Variants in TARBP2 observed in about 807,000 individuals in gnomAD.
TARBP2 encodes the protein RISC-loading complex subunit TARBP2.
TARBP2 carries 23 observed loss-of-function variants against 40.4 expected under a neutral mutation model. The observed-to-expected ratio is 0.57, with a 90% CI of 0.41 to 0.81. The LOEUF is 0.81. Ranked by LOEUF, TARBP2 falls within the 30% of genes least tolerant of loss-of-function variation. TARBP2 has a pLI of 0.00. For synonymous variants in TARBP2, 183 were observed against 190.5 expected (o/e 0.96, Z 0.32); for missense variants, 358 against 473.7 (o/e 0.76, Z 2.27).
In TARBP2 at chr12:53,505,349, G is replaced by C. The variant is rs1224146167; in HGVS notation, c.741+87G>C. 15 of 1,503,728 alleles carry C rather than the reference G, an allele frequency of 1.0e-5. No homozygotes were observed. The highest frequency in any genetic ancestry group is 6.7e-5 in the Admixed American group (3 of 44,724). 93.1% of individuals were successfully genotyped at this position (1,503,728 alleles called of 1,614,324 possible). ...GGACTTGGGTCTGTGACTCAGCAGT[G>C]AGCCTCTCTGGGCCCTAGGTCTGCT... On this transcript the variant is annotated intron_variant, in intron 7 of 8. Transcript: ENST00000266987. This position sits in a 1 kb window ranked among gnomAD's most constrained non-coding sequence, Gnocchi z 4.5.
chr12:53,501,300 G>A lies in TARBP2; in HGVS notation c.-109G>A. 1 of 1,273,348 alleles carries A rather than the reference G, an allele frequency of 7.9e-7. No homozygotes were observed. Among genetic ancestry groups the A allele is most frequent in the African/African-American group, 1.5e-5 (1 of 67,524 alleles). 78.9% of individuals were successfully genotyped at this position (1,273,348 alleles called of 1,614,324 possible). A position where few individuals can be genotyped will look rare whatever the true frequency, so the allele number is the denominator to read the frequency against. ...CATATCCCAGCGTGCCCCGCGGCGG[G>A]CCCTACCGGCCGCGACTCCGGGCTT... is the stretch of plus-strand genomic sequence containing the variant. On this transcript the variant is annotated 5_prime_UTR_variant, in exon 1 of 9. Transcript: ENST00000266987.
In TARBP2 at chr12:53,501,632, T is replaced by C. The variant is rs948790754; in HGVS notation, c.53+171T>C. 3 of 1,457,014 alleles carry C rather than the reference T, an allele frequency of 2.1e-6. No individual in the cohort carries two copies. The Admixed American group carries it at 8.0e-5, about 39-fold the overall frequency. The allele number at this position is 1,457,014 out of a possible 1,614,324, so 90.3% of individuals were successfully genotyped here. ...GGGCAGTGGCTGCTGCCTCCAGCTCTAAATAGTTTGGGGTTGGCCCGGTTC... is the reference window on the plus strand; with the variant it reads ...GGGCAGTGGCTGCTGCCTCCAGCTCCAAATAGTTTGGGGTTGGCCCGGTTC... On this transcript the variant is annotated intron_variant, in intron 1 of 8. Transcript: ENST00000266987.
At chr12:53,501,077 G>A (rs1943679276), upstream of TARBP2, 2 of 381,748 alleles carry the variant, frequency 5.2e-6, no homozygotes, top group African/African-American at 4.2e-5. Flanking sequence ...CGGACCGGGA[G>A]AGAGGGGGCG....
rs139126157 is a variant in TARBP2 at position 53,504,404 on chromosome 12, C to T, written c.430C>T (p.Pro144Ser). ...VPSVVLTRSPPMELQPPVSPQ... is the reference protein window; with the variant it reads ...VPSVVLTRSPSMELQPPVSPQ... ...CTGTGCCTTTTCCTTCAGGAGCCCC[C>T]CCATGGAACTGCAGCCCCCTGTCTC... Residue 144 changes from proline to serine, a missense_variant, in exon 5 of 9, where the codon CCC becomes TCC. Physicochemically the swap from Pro to Ser is moderately conservative, Grantham distance 74 (BLOSUM62 -1). This residue lies in a region of TARBP2 where 317 missense variants were observed against 422.9 expected (regional missense o/e 0.75). Transcript: ENST00000266987. 5.1e-6 allele frequency: 8 copies of T among 1,565,708 alleles called. No individual in the cohort carries two copies. In the African/African-American group the frequency reaches 8.2e-5, roughly 16 times the overall value.
Position 53,506,345 on chromosome 12 carries a change from C to A in TARBP2, c.*197C>A, listed in dbSNP as rs545668585. The stretch of plus-strand genomic sequence containing the variant: ...CCTCAGCCAGCCCAGGATCCGTCCT[C>A]ATTTTATTGGTGATGATGAATGGGA... On this transcript the variant is annotated 3_prime_UTR_variant, in exon 9 of 9. Coordinates refer to ENST00000266987, the MANE Select transcript of TARBP2 (RefSeq NM_134323.2). 1.4e-5 allele frequency: 9 copies of A among 634,808 alleles called. No homozygotes were observed. In the Admixed American group the frequency reaches 2.7e-4, roughly 19 times the overall value. 39.3% of individuals were successfully genotyped at this position (634,808 alleles called of 1,614,324 possible).
chr12:53,501,968 G>T, intron 1 of TARBP2, 47 bp from the exon 2 acceptor site: 3 of 1,608,150 alleles, frequency 1.9e-6, no homozygotes, highest in Non-Finnish European at 2.5e-6. Flanking sequence ...TGGCTAGGTG[G>T]GTGCAGAGAG....
chr12:53,503,756 G>C lies in TARBP2; in HGVS notation c.370G>C (p.Val124Leu). Reference sequence around the variant, plus strand: ...CTCTTCACTGCCTGAGGACATTCCGGTTTTTACTGCTGCAGCAGCTGCTAC... The same window carrying C: ...CTCTTCACTGCCTGAGGACATTCCGCTTTTTACTGCTGCAGCAGCTGCTAC... ...LDSSLPEDIP[V>L]FTAAAAATPV... is the part of the protein sequence containing the mutation. The change falls in exon 4 of 9, where the codon GTT becomes CTT. Residue 124 changes from valine to leucine, a missense_variant. Physicochemically the swap from Val to Leu is conservative, Grantham distance 32 (BLOSUM62 1). This residue lies in a region of TARBP2 where 317 missense variants were observed against 422.9 expected (regional missense o/e 0.75). Transcript: ENST00000266987. The C allele has an allele frequency of 6.2e-7, 1 of 1,614,226 alleles. No homozygotes were observed. The highest frequency in any genetic ancestry group is 8.5e-7 in the Non-Finnish European group (1 of 1,180,040).
At position 53,504,812 on chromosome 12, in the gene TARBP2, A is replaced by C. The variant is rs1218815083; in HGVS notation, c.610A>C (p.Ile204Leu). The change falls in exon 6 of 9, where the codon ATT (isoleucine) becomes CTT (leucine). Residue 204 changes from isoleucine (I) to leucine (L), a missense_variant. By Grantham distance (5) the Ile-to-Leu change is conservative. Coordinates refer to ENST00000266987, the MANE Select transcript of TARBP2 (RefSeq NM_134323.2). ...CTGTCGAGTGGAGCGTTTCATTGAGATTGGTAACTGGGCAAGAAGGGGTTC... is the reference window on the plus strand; with the variant it reads ...CTGTCGAGTGGAGCGTTTCATTGAGCTTGGTAACTGGGCAAGAAGGGGTTC... ...MTCRVERFIE[I>L]GSGTSKKLAK... The C allele has an allele frequency of 2.5e-6, 4 of 1,613,848 alleles. No individual in the cohort carries two copies. Among genetic ancestry groups the C allele is most frequent in the South Asian group, 1.1e-5 (1 of 91,082 alleles).
chr12:53,504,534 G>C, intron 5 of TARBP2, 65 bp downstream of exon 5: 1 of 1,603,836 alleles, frequency 6.2e-7, no homozygotes, highest in African/African-American at 1.3e-5. Flanking sequence ...ATGAGGGAAG[G>C]CTATGTGTGT....
intron 3 of TARBP2, 69 bp from the exon 4 acceptor site, chr12:53,503,644 G>A (rs554394128): frequency 6.0e-6 from 7 of 1,160,642 alleles, no homozygotes; most frequent in African/African-American, 1.5e-5. Context: ...TCAGGAGGAC[G>A]TGGGTCCCCC....
chr12:53,505,371 T>G lies in TARBP2; in HGVS notation c.741+109T>G. 1 of 1,466,096 alleles carries G rather than the reference T, an allele frequency of 6.8e-7. No homozygotes were observed. The highest frequency in any genetic ancestry group is 2.3e-5 in the East Asian group (1 of 43,082). 90.8% of individuals were successfully genotyped at this position (1,466,096 alleles called of 1,614,324 possible). On this transcript the variant is annotated intron_variant, in intron 7 of 8. Transcript: ENST00000266987. The surrounding 1 kb of genome is among the most constrained non-coding windows in gnomAD (Gnocchi z 4.5). ...AGTGAGCCTCTCTGGGCCCTAGGTC[T>G]GCTTCTGCCACAGTTTTCCTACCAG...
Position 53,506,171 on chromosome 12 carries a change from GTGCACCCTT to G in TARBP2, c.*27_*35del, listed in dbSNP as rs750331078. ...TGAAGCCCCAGCTGGACTCATGGAT[GTGCACCCTT>G]TGCTCCCTGCTCTTTCTGCCTCTGG... On this transcript the variant is annotated 3_prime_UTR_variant, in exon 9 of 9. Transcript: ENST00000266987. The G allele has an allele frequency of 6.2e-7, 1 of 1,610,088 alleles. No homozygotes were observed. Among genetic ancestry groups the G allele is most frequent in the South Asian group, 1.1e-5 (1 of 90,886 alleles).
chr12:53,505,677 G>A lies in TARBP2; in HGVS notation c.770G>A (p.Arg257Gln), dbSNP rs1387986904. The change falls in exon 8 of 9, where the codon CGA becomes CAA. Residue 257 changes from arginine to glutamine, a missense_variant. By Grantham distance (43) the Arg-to-Gln change is conservative (BLOSUM62 1). Transcript: ENST00000266987. This position sits in a 1 kb window ranked among gnomAD's most constrained non-coding sequence, Gnocchi z 4.5. ...GTGGGCTCCCGCCTGGATGGTCTTC[G>A]AAACCGGGGCCCAGGTTGCACCTGG... is the stretch of plus-strand genomic sequence containing the variant. Reference protein sequence around the residue: ...IGVGSRLDGLRNRGPGCTWDS... With the variant: ...IGVGSRLDGLQNRGPGCTWDS... 5.0e-6 allele frequency: 8 copies of A among 1,613,850 alleles called. No individual in the cohort carries two copies. Among genetic ancestry groups the A allele is most frequent in the East Asian group, 2.2e-5 (1 of 44,856 alleles).
intron 2 of TARBP2, 181 bp from the exon 3 acceptor site, chr12:53,502,846 C>T (rs570796979): frequency 4.2e-5 from 23 of 544,390 alleles, no homozygotes; most frequent in Non-Finnish European, 6.7e-5. Flanking sequence ...TGGAAGCTAA[C>T]GGAAAGATAA....
Position 53,504,420 on chromosome 12 carries a change from C to T in TARBP2, c.446C>T (p.Pro149Leu), listed in dbSNP as rs1308904527. 1.9e-6 allele frequency: 3 copies of T among 1,608,450 alleles called. No individual in the cohort carries two copies. Among genetic ancestry groups the T allele is most frequent in the Admixed American group, 3.4e-5 (2 of 59,022 alleles). ...AGGAGCCCCCCCATGGAACTGCAGC[C>T]CCCTGTCTCCCCTCAGCAGTCTGAG... is the stretch of plus-strand genomic sequence containing the variant. ...LTRSPPMELQ[P>L]PVSPQQSECN... Residue 149 changes from proline to leucine, a missense_variant, in exon 5 of 9, where the codon CCC becomes CTC. Coordinates refer to ENST00000266987, the MANE Select transcript of TARBP2 (RefSeq NM_134323.2).
intron 2 of TARBP2, 69 bp from the exon 3 acceptor site, chr12:53,502,958 G>C: frequency 6.8e-7 from 1 of 1,469,096 alleles, no homozygotes; most frequent in African/African-American, 1.4e-5. Flanking sequence ...GAGGAGAGAG[G>C]CTGTGGGATG....
In TARBP2 at chr12:53,505,192, G is replaced by T; in HGVS notation, c.671G>T (p.Arg224Leu). Residue 224 changes from arginine to leucine, a missense_variant, in exon 7 of 9, where the codon CGA (arginine) becomes CTA (leucine). Physicochemically the swap from Arg to Leu is moderately radical, Grantham distance 102. Transcript: ENST00000266987. This position sits in a 1 kb window ranked among gnomAD's most constrained non-coding sequence, Gnocchi z 4.5. Reference protein sequence around the residue: ...KRNAAAKMLLRVHTVPLDARD... With the variant: ...KRNAAAKMLLLVHTVPLDARD... ...AATGCGGCGGCCAAAATGCTGCTTC[G>T]AGTGCACACGGTGCCTCTGGATGCC... is the stretch of plus-strand genomic sequence containing the variant. 6.2e-7 allele frequency: 1 copy of T among 1,611,798 alleles called. No individual in the cohort carries two copies. Among genetic ancestry groups the T allele is most frequent in the Non-Finnish European group, 8.5e-7 (1 of 1,178,068 alleles).
Position 53,505,523 on chromosome 12 carries a change from T to C in TARBP2, c.742-126T>C. 1 of 1,136,816 alleles carries C rather than the reference T, an allele frequency of 8.8e-7. No homozygotes were observed. The highest frequency in any genetic ancestry group is 1.4e-5 in the South Asian group (1 of 70,976). The allele number at this position is 1,136,816 out of a possible 1,614,324, so 70.4% of individuals were successfully genotyped here. A position where few individuals can be genotyped will look rare whatever the true frequency, so the allele number is the denominator to read the frequency against. On this transcript the variant is annotated intron_variant, in intron 7 of 8. Transcript: ENST00000266987. The surrounding 1 kb of genome is among the most constrained non-coding windows in gnomAD (Gnocchi z 4.5). ...GTAGTTAGAAGGGGCCACCCAGGGA[T>C]TGACTGGGGGGAGGCAAGCTGGAGG...
intron 2 of TARBP2, 100 bp from the exon 3 acceptor site, chr12:53,502,927 T>C: frequency 7.7e-7 from 1 of 1,298,180 alleles, no homozygotes; most frequent in Non-Finnish European, 1.0e-6. Context: ...AGAAGGGGCT[T>C]GATTGATTCC....
Sources: gnomAD v4.1 joint callset for allele counts on GRCh38, gnomAD v4.1.1 for gene constraint, gnomAD v4.1.1 regional missense constraint, Gnocchi (gnomAD v3.1) non-coding constraint, MANE v1.5 for transcripts, NCBI Gene and HGNC (gene_info 2026-07-23, HGNC 2026-07-21) for gene names.